The following SLC1A1 variants were observed in gnomAD, a reference collection of about 807,000 sequenced individuals.
SLC1A1 encodes the protein solute carrier family 1 member 1.
SLC1A1 carries 43 observed loss-of-function variants against 53.3 expected under a neutral mutation model. The observed-to-expected ratio is 0.81, with a 90% CI of 0.63 to 1.04. The LOEUF (loss-of-function observed/expected upper bound fraction) is 1.04, where lower values mean the gene tolerates loss of function less well. SLC1A1 is among the 50% of genes least tolerant of loss of function. The pLI is 0.00. For synonymous variants in SLC1A1, 307 were observed against 243.2 expected (o/e 1.26, Z -2.44); for missense variants, 748 against 664.9 (o/e 1.12, Z -1.37).
At chr9:4,582,267 G>T (rs1392438548) in intron 10 of SLC1A1, among the ~76,000 whole-genome samples, 1 of 152,178 alleles carries the variant, frequency 6.6e-6, no homozygotes, top group African/African-American at 2.4e-5. Flanking sequence ...TTAAATACCT[G>T]GTAATAAAGT....
intron 1 of SLC1A1, among the ~76,000 whole-genome samples, chr9:4,504,652 T>C (rs911215154): frequency 1.3e-5 from 2 of 152,218 alleles, no homozygotes; most frequent in African/African-American, 4.8e-5. Context: ...GAGATAAAGA[T>C]CTTGTTGTCA....
chr9:4,554,759 T>C (rs1818220427), intron 2 of SLC1A1, among the ~76,000 whole-genome samples: 1 of 152,214 alleles, frequency 6.6e-6, no homozygotes, highest in African/African-American at 2.4e-5. Flanking sequence ...AGGGTTATCC[T>C]GATGTATAAA....
At chr9:4,498,131 T>C (rs952518680) in intron 1 of SLC1A1, among the ~76,000 whole-genome samples, 1 of 152,186 alleles carries the variant, frequency 6.6e-6, no homozygotes, top group African/African-American at 2.4e-5. Context: ...TGTATATTCA[T>C]TCCTCAGTTC....
chr9:4,556,511 G>A lies in SLC1A1; in HGVS notation c.233-4938G>A, dbSNP rs527839173. Among the ~76,000 whole-genome samples, 18 of 152,246 alleles carry A rather than the reference G, an allele frequency of 1.2e-4. No individual in the cohort carries two copies. Among genetic ancestry groups the A allele is most frequent in the East Asian group, 1.2e-3 (6 of 5,182 alleles). Reference sequence around the variant, plus strand: ...TCTGATAGTGAACTGTAAAGAGAGGGGGTCCTTCAGACCTCGCCAGCCACC... The same window carrying A: ...TCTGATAGTGAACTGTAAAGAGAGGAGGTCCTTCAGACCTCGCCAGCCACC... On this transcript the variant is annotated intron_variant, in intron 2 of 11. Transcript: ENST00000262352. The surrounding 1 kb of genome is among the most constrained non-coding windows in gnomAD (Gnocchi z 4.1).
intron 1 of SLC1A1, among the ~76,000 whole-genome samples, chr9:4,504,098 C>A (rs1820723837): frequency 6.6e-6 from 1 of 152,184 alleles, no homozygotes. Context: ...CATCTCTGTA[C>A]CCTAAGGAAG....
intron 1 of SLC1A1, among the ~76,000 whole-genome samples, chr9:4,511,264 G>C (rs79432871): frequency 0.038 from 5,715 of 152,220 alleles, 150 homozygotes; most frequent in Middle Eastern, 0.075. Flanking sequence ...AGATCAAGGT[G>C]CCATTAGATT....
At chr9:4,579,756 T>C (rs1454869104) in intron 10 of SLC1A1, among the ~76,000 whole-genome samples, 1 of 152,190 alleles carries the variant, frequency 6.6e-6, no homozygotes, top group African/African-American at 2.4e-5. Context: ...GTTAAAGAGA[T>C]TTTTAGACCC....
chr9:4,545,654 T>C (rs1017848487), intron 2 of SLC1A1, among the ~76,000 whole-genome samples: 4 of 152,234 alleles, frequency 2.6e-5, no homozygotes, highest in Non-Finnish European at 1.5e-5. Flanking sequence ...AGCAGTCAAG[T>C]TCTGTGAGAA....
intron 2 of SLC1A1, among the ~76,000 whole-genome samples, chr9:4,558,078 C>G (rs905714867): frequency 1.3e-5 from 2 of 152,112 alleles, no homozygotes; most frequent in East Asian, 3.8e-4. Context: ...TCATCCTCAT[C>G]ATTATTGACA....
chr9:4,549,218 C>A lies in SLC1A1; in HGVS notation c.232+4511C>A, dbSNP rs963010079. ...AACTTTGCTCAGGAAGAGGTTGCAGCTCTTCCACTTTAGCCTCTGCCACCC... is the reference window on the plus strand; with the variant it reads ...AACTTTGCTCAGGAAGAGGTTGCAGATCTTCCACTTTAGCCTCTGCCACCC... On this transcript the variant is annotated intron_variant, in intron 2 of 11. Transcript: ENST00000262352. This position sits in a 1 kb window ranked among gnomAD's most constrained non-coding sequence, Gnocchi z 4.1. Among the ~76,000 whole-genome samples, 5 of 152,154 alleles carry A rather than the reference C, an allele frequency of 3.3e-5. No individual in the cohort carries two copies. Among genetic ancestry groups the A allele is most frequent in the African/African-American group, 1.2e-4 (5 of 41,420 alleles).
At position 4,516,152 on chromosome 9, in the gene SLC1A1, G is replaced by C. The variant is rs1409501009; in HGVS notation, c.91+25382G>C. 1.3e-5 allele frequency among the ~76,000 whole-genome samples: 2 copies of C among 152,180 alleles called. 1 individual carries two copies. The highest frequency in any genetic ancestry group is 1.3e-4 in the Admixed American group (2 of 15,284). On this transcript the variant is annotated intron_variant, in intron 1 of 11. Transcript: ENST00000262352. Reference sequence around the variant, plus strand: ...TGACCTATAATCTATGAAAGAGCCAGGTTCTAAAACAGATCATTCTGACTT... The same window carrying C: ...TGACCTATAATCTATGAAAGAGCCACGTTCTAAAACAGATCATTCTGACTT...
chr9:4,584,419 C>T (rs902506896), intron 11 of SLC1A1, among the ~76,000 whole-genome samples: 11 of 152,168 alleles, frequency 7.2e-5, no homozygotes, highest in Non-Finnish European at 1.5e-4. Context: ...GAACCAGTTA[C>T]CTTCCCTGCC....
At chr9:4,500,994 C>T (rs138426510) in intron 1 of SLC1A1, among the ~76,000 whole-genome samples, 3 of 152,242 alleles carry the variant, frequency 2.0e-5, no homozygotes, top group Non-Finnish European at 2.9e-5. Flanking sequence ...TTCTCTACCA[C>T]TAATCCCCAG....
Position 4,576,669 on chromosome 9 carries a change from A to AT in SLC1A1, c.1100dup (p.Met367IlefsTer8). ...GTTACCCGTTGGTGCAACAATCAAC[A>AT]TGGATGGGACTGCGCTCTATGAAGC... is the stretch of plus-strand genomic sequence containing the variant. On this transcript the variant is annotated frameshift_variant, in exon 10 of 12. Transcript: ENST00000262352. LOFTEE classifies it high-confidence loss of function. 6.2e-7 allele frequency: 1 copy of AT among 1,614,216 alleles called. No homozygotes were observed. Among genetic ancestry groups the AT allele is most frequent in the Non-Finnish European group, 8.5e-7 (1 of 1,180,014 alleles).
chr9:4,532,616 G>A (rs779392419), intron 1 of SLC1A1, among the ~76,000 whole-genome samples: 1 of 152,136 alleles, frequency 6.6e-6, no homozygotes, highest in Non-Finnish European at 1.5e-5. Flanking sequence ...TGGGGAGAAA[G>A]GAACCAAGTT....
chr9:4,581,064 C>T (rs951559806), intron 10 of SLC1A1, among the ~76,000 whole-genome samples: 5 of 152,162 alleles, frequency 3.3e-5, no homozygotes, highest in Non-Finnish European at 7.3e-5. Context: ...CAGCAGCTTG[C>T]AGTAGACATA....
At chr9:4,579,086 T>C (rs1820825185) in intron 10 of SLC1A1, among the ~76,000 whole-genome samples, 2 of 152,260 alleles carry the variant, frequency 1.3e-5, no homozygotes, top group East Asian at 1.9e-4. Context: ...GTATTTCTGT[T>C]GGCTGAAGAC....
chr9:4,517,829 T>A (rs1174570007), intron 1 of SLC1A1, among the ~76,000 whole-genome samples: 1 of 152,146 alleles, frequency 6.6e-6, no homozygotes, highest in Non-Finnish European at 1.5e-5. Flanking sequence ...CACAGACCCA[T>A]GGGCCTGCTT....
intron 1 of SLC1A1, among the ~76,000 whole-genome samples, chr9:4,515,982 C>T (rs12351328): frequency 0.086 from 13,053 of 152,214 alleles, 1,799 homozygotes; most frequent in African/African-American, 0.29. Context: ...GAAAGTTTCT[C>T]CTCTTCAACC....
Sources: gnomAD v4.1 joint callset for allele counts (sites outside exome capture counted in the v4.1 genomes callset) on GRCh38, gnomAD v4.1.1 for gene constraint, Gnocchi (gnomAD v3.1) non-coding constraint, MANE v1.5 for transcripts, NCBI Gene and HGNC (gene_info 2026-07-23, HGNC 2026-07-21) for gene names.